The following SLC34A3 variants were observed in gnomAD, a reference collection of about 807,000 sequenced individuals.
SLC34A3 encodes solute carrier family 34 member 3, also known as sodium-dependent phosphate transport protein 2C.
SLC34A3 carries 60 observed loss-of-function variants against 43.9 expected under a neutral mutation model. That is an observed-to-expected ratio of 1.37 (90% confidence interval 1.11 to 1.70). SLC34A3 has a LOEUF of 1.70. Among genes scored for constraint, SLC34A3 ranks in the 40% most tolerant of loss-of-function variants. The pLI, the probability that SLC34A3 is intolerant of heterozygous loss-of-function variation, is 0.00. For synonymous variants in SLC34A3, 451 were observed against 386.2 expected (o/e 1.17, Z -1.97); for missense variants, 969 against 823.8 (o/e 1.18, Z -2.16).
chr9:137,232,769 C>G lies in SLC34A3; in HGVS notation c.305-15C>G. 1 of 1,613,042 alleles carries G rather than the reference C, an allele frequency of 6.2e-7. No homozygotes were observed. Among genetic ancestry groups the G allele is most frequent in the South Asian group, 1.1e-5 (1 of 91,090 alleles). ...AGCCCTCCGCAGCTTCAGCGCACCTCTCTTGCCGGTGTAGGCAAAGTGGCC... is the reference window on the plus strand; with the variant it reads ...AGCCCTCCGCAGCTTCAGCGCACCTGTCTTGCCGGTGTAGGCAAAGTGGCC... On this transcript the variant is annotated splice_polypyrimidine_tract_variant and intron_variant, in intron 4 of 12. Coordinates refer to ENST00000673835, the MANE Select transcript of SLC34A3 (RefSeq NM_001177316.2).
rs748235293 is a variant in SLC34A3, at chr9:137,235,907, C to A, written c.1336-45C>A. 2.5e-6 allele frequency: 4 copies of A among 1,592,136 alleles called. No individual in the cohort carries two copies. In the South Asian group the frequency reaches 4.4e-5, roughly 18 times the overall value. ...GCAGGGGTCCGGGGCCCCTGGTGAC[C>A]CCACCTCGTTGGGCCCAGGCCCCTG... On this transcript the variant is annotated intron_variant, in intron 12 of 12. Coordinates refer to ENST00000673835, the MANE Select transcript of SLC34A3 (RefSeq NM_001177316.2).
At chr9:137,230,322 G>C (rs530225934), upstream of SLC34A3, among the ~76,000 whole-genome samples, 3 of 152,190 alleles carry the variant, frequency 2.0e-5, no homozygotes, top group African/African-American at 7.2e-5. Context: ...TACCAGGGCC[G>C]AGCCCGCTAG....
rs761000953 is a variant in SLC34A3 at position 137,232,993 on chromosome 9, C to A, written c.449-11C>A. 3.7e-6 allele frequency: 6 copies of A among 1,610,728 alleles called. No homozygotes were observed. In the South Asian group the frequency reaches 5.5e-5, roughly 15 times the overall value. On this transcript the variant is annotated splice_polypyrimidine_tract_variant and intron_variant, in intron 5 of 12. Coordinates refer to ENST00000673835, the MANE Select transcript of SLC34A3 (RefSeq NM_001177316.2). ...GTGGGCCGCAGGCTGACTCAGCCCC[C>A]CCACCAGCAGTGCTGACTGTCCGGG...
At chr9:137,233,779 T>TTGGGGCCCCCCCCCC in intron 8 of SLC34A3, 57 bp downstream of exon 8, 23 of 1,445,628 alleles carry the variant, frequency 1.6e-5, no homozygotes, top group Non-Finnish European at 2.1e-5. Flanking sequence ...TGCTGAGTCA[T>TTGGGGCCCCCCCCCC]CCCGCCCCAC....
In SLC34A3 at chr9:137,233,930, A is replaced by C. The variant is rs751999373; in HGVS notation, c.914A>C (p.Asp305Ala). The change falls in exon 9 of 13, where the codon GAC (aspartate) becomes GCC (alanine). Residue 305 changes from aspartate (D) to alanine (A), a missense_variant. Physicochemically the swap from Asp to Ala is moderately radical, Grantham distance 126 (BLOSUM62 -2). Coordinates refer to ENST00000673835, the MANE Select transcript of SLC34A3 (RefSeq NM_001177316.2). ...GAGAAGAACAGCACAGCCCCGGCGG[A>C]CAGGCTGCCCTGTGAGGCCCGGCCC... ...CTEKNSTAPA[D>A]RLPCRHLFAG... The C allele has an allele frequency of 3.2e-6, 5 of 1,575,200 alleles. No homozygotes were observed. Among genetic ancestry groups the C allele is most frequent in the Non-Finnish European group, 4.3e-6 (5 of 1,161,272 alleles).
rs1321847313 is a variant in SLC34A3, at chr9:137,236,407, G to A, written c.1791G>A (p.Gln597=). Residue 597 remains glutamine (Q), a synonymous_variant, in exon 13 of 13, where the codon CAG becomes CAA. Transcript: ENST00000673835. ...AGAACCCTGAGATCTTGGCCTCCCA[G>A]CAGTTGTGACGGGCAGTTGCTGAGC... The part of the protein sequence containing the change: ...CYENPEILAS[Q]QL The A allele has an allele frequency of 6.5e-7, 1 of 1,537,060 alleles. No homozygotes were observed.
At chr9:137,233,170 G>GCCCCCCCACCTGACCCTGC in intron 6 of SLC34A3, 39 bp from the exon 7 acceptor site, 1 of 1,555,228 alleles carries the variant, frequency 6.4e-7, no homozygotes. Flanking sequence ...CCCAGCCCGG[G>GCCCCCCCACCTGACCCTGC]CCCCCCCACC....
chr9:137,231,724 A>T lies in SLC34A3; in HGVS notation c.22A>T (p.Ser8Cys). The T allele has an allele frequency of 6.2e-7, 1 of 1,612,956 alleles. No homozygotes were observed. The highest frequency in any genetic ancestry group is 8.5e-7 in the Non-Finnish European group (1 of 1,179,908). MPSSLPG[S>C]QVPHPTLDAV... ...ATCCATGCCGAGTTCCCTTCCCGGCAGCCAGGTCCCCCACCCCACTCTGGA... is the reference window on the plus strand; with the variant it reads ...ATCCATGCCGAGTTCCCTTCCCGGCTGCCAGGTCCCCCACCCCACTCTGGA... Residue 8 changes from serine to cysteine, a missense_variant, in exon 2 of 13, where the codon AGC becomes TGC. Transcript: ENST00000673835.
intron 1 of SLC34A3, 198 bp downstream of exon 1, chr9:137,231,136 G>A (rs749091928): frequency 1.2e-5 from 2 of 162,446 alleles, no homozygotes; most frequent in Admixed American, 5.9e-5. Flanking sequence ...GGGTCCAGGT[G>A]GGGGGCCCCA....
At position 137,232,768 on chromosome 9, in the gene SLC34A3, T is replaced by A. The variant is rs1162677174; in HGVS notation, c.305-16T>A. 1 of 1,612,998 alleles carries A rather than the reference T, an allele frequency of 6.2e-7. No homozygotes were observed. On this transcript the variant is annotated splice_polypyrimidine_tract_variant and intron_variant, in intron 4 of 12. Transcript: ENST00000673835. ...CAGCCCTCCGCAGCTTCAGCGCACC[T>A]CTCTTGCCGGTGTAGGCAAAGTGGC...
rs1202281600 is a variant in SLC34A3, at chr9:137,236,244, C to G, written c.1628C>G (p.Pro543Arg). The G allele has an allele frequency of 1.3e-6, 2 of 1,550,422 alleles. No homozygotes were observed. The highest frequency in any genetic ancestry group is 3.9e-5 in the Admixed American group (2 of 51,730). The change falls in exon 13 of 13, where the codon CCT becomes CGT. Residue 543 changes from proline to arginine, a missense_variant. Physicochemically the swap from Pro to Arg is moderately radical, Grantham distance 103 (BLOSUM62 -2). Transcript: ENST00000673835. Reference sequence around the variant, plus strand: ...CAGCGGCGCCGGCCGGCCTGGCTGCCTGTCCGCCTGCGCTCCTGGGCCTGG... The same window carrying G: ...CAGCGGCGCCGGCCGGCCTGGCTGCGTGTCCGCCTGCGCTCCTGGGCCTGG... ...VLQRRRPAWL[P>R]VRLRSWAWLP... is the part of the protein sequence containing the mutation.
In SLC34A3 at chr9:137,234,106, C is replaced by T. The variant is rs1339056973; in HGVS notation, c.926-3C>T. ...CCCTCACCTGCCCCTGCCCTGCCCC[C>T]AGGCCGCCACCTGTTTGCGGGCACG... is the stretch of plus-strand genomic sequence containing the variant. On this transcript the variant is annotated splice_polypyrimidine_tract_variant and splice_region_variant and intron_variant, in intron 9 of 12. Coordinates refer to ENST00000673835, the MANE Select transcript of SLC34A3 (RefSeq NM_001177316.2). The surrounding 1 kb of genome is among the most constrained non-coding windows in gnomAD (Gnocchi z 6.9). 12 of 1,567,334 alleles carry T rather than the reference C, an allele frequency of 7.7e-6. No homozygotes were observed. The highest frequency in any genetic ancestry group is 1.0e-5 in the Non-Finnish European group (12 of 1,164,054).
At position 137,234,295 on chromosome 9, in the gene SLC34A3, G is replaced by A. The variant is rs201165474; in HGVS notation, c.1093+19G>A. On this transcript the variant is annotated intron_variant, in intron 10 of 12. Transcript: ENST00000673835. This position sits in a 1 kb window ranked among gnomAD's most constrained non-coding sequence, Gnocchi z 6.9. ...AATGCGGGTGAGGGCGTGGGAGGAGGTGCGGTGGCCAGGGCTGACCCAGCA... is the reference window on the plus strand; with the variant it reads ...AATGCGGGTGAGGGCGTGGGAGGAGATGCGGTGGCCAGGGCTGACCCAGCA... 4.1e-4 allele frequency: 658 copies of A among 1,609,094 alleles called. 4 individuals carry two copies. In the African/African-American group the frequency reaches 7.3e-3, roughly 18 times the overall value.
Position 137,234,562 on chromosome 9 carries a change from C to G in SLC34A3, c.1210+30C>G. ...GCAGGCAGGACAGAGGCCTCGGGAACGGGGGCTCGGGCTGGGGTCCTGTGG... is the reference window on the plus strand; with the variant it reads ...GCAGGCAGGACAGAGGCCTCGGGAAGGGGGGCTCGGGCTGGGGTCCTGTGG... On this transcript the variant is annotated intron_variant, in intron 11 of 12. Transcript: ENST00000673835. This position sits in a 1 kb window ranked among gnomAD's most constrained non-coding sequence, Gnocchi z 6.9. The G allele has an allele frequency of 6.2e-7, 1 of 1,609,730 alleles. No individual in the cohort carries two copies. The highest frequency in any genetic ancestry group is 8.5e-7 in the Non-Finnish European group (1 of 1,178,302).
chr9:137,232,796 G>T lies in SLC34A3; in HGVS notation c.317G>T (p.Gly106Val). 1 of 1,613,072 alleles carries T rather than the reference G, an allele frequency of 6.2e-7. No individual in the cohort carries two copies. Among genetic ancestry groups the T allele is most frequent in the South Asian group, 1.1e-5 (1 of 91,084 alleles). ...CTTGCCGGTGTAGGCAAAGTGGCCG[G>T]AGACATCTTCAAGGACAACGTGGTG... is the stretch of plus-strand genomic sequence containing the variant. ...AFQLLGSKVA[G>V]DIFKDNVVLS... is the part of the protein sequence containing the mutation. The change falls in exon 5 of 13, where the codon GGA (glycine) becomes GTA (valine). Residue 106 changes from glycine (G) to valine (V), a missense_variant. Coordinates refer to ENST00000673835, the MANE Select transcript of SLC34A3 (RefSeq NM_001177316.2).
In SLC34A3 at chr9:137,232,867, G is replaced by T. The variant is rs769955447; in HGVS notation, c.388G>T (p.Ala130Ser). The change falls in exon 5 of 13, where the codon GCC becomes TCC. Residue 130 changes from alanine to serine, a missense_variant. By Grantham distance (99) the Ala-to-Ser change is moderately conservative. Coordinates refer to ENST00000673835, the MANE Select transcript of SLC34A3 (RefSeq NM_001177316.2). ...ACTGGTCATTGGCGTGCTGGTCACAGCCCTGGTGCAGAGTTCCAGCACGTC... is the reference window on the plus strand; with the variant it reads ...ACTGGTCATTGGCGTGCTGGTCACATCCCTGGTGCAGAGTTCCAGCACGTC... The part of the protein sequence containing the change: ...AGLVIGVLVT[A>S]LVQSSSTSSS... The T allele has an allele frequency of 7.4e-6, 12 of 1,612,314 alleles. No individual in the cohort carries two copies. Among genetic ancestry groups the T allele is most frequent in the Non-Finnish European group, 7.6e-6 (9 of 1,179,646 alleles).
At chr9:137,230,391 G>A (rs928440652), upstream of SLC34A3, among the ~76,000 whole-genome samples, 7 of 152,200 alleles carry the variant, frequency 4.6e-5, no homozygotes, top group Non-Finnish European at 7.4e-5. Flanking sequence ...ACCTCGGGCT[G>A]GGTGCCCTCC....
Position 137,234,093 on chromosome 9 carries a change from C to A in SLC34A3, c.926-16C>A. The A allele has an allele frequency of 6.5e-7, 1 of 1,547,760 alleles. No individual in the cohort carries two copies. The highest frequency in any genetic ancestry group is 2.4e-5 in the East Asian group (1 of 42,246). ...CCCCCCAGGCTCCCCCTCACCTGCC[C>A]CTGCCCTGCCCCCAGGCCGCCACCT... On this transcript the variant is annotated splice_polypyrimidine_tract_variant and intron_variant, in intron 9 of 12. Transcript: ENST00000673835. The surrounding 1 kb of genome is among the most constrained non-coding windows in gnomAD (Gnocchi z 6.9).
rs1194730858 is a variant in SLC34A3 at position 137,233,373 on chromosome 9, T to G, written c.725T>G (p.Leu242Arg). ...CAGGCGCCCGACATCCTCAAGGTGC[T>G]GACGAAGCCGCTCACACACCTCATC... is the stretch of plus-strand genomic sequence containing the variant. Reference protein sequence around the residue: ...RAQAPDILKVLTKPLTHLIVQ... With the variant: ...RAQAPDILKVRTKPLTHLIVQ... The change falls in exon 7 of 13, where the codon CTG (leucine) becomes CGG (arginine). Residue 242 changes from leucine to arginine, a missense_variant. Transcript: ENST00000673835. The G allele has an allele frequency of 6.2e-7, 1 of 1,605,940 alleles. No homozygotes were observed. The highest frequency in any genetic ancestry group is 1.7e-5 in the Admixed American group (1 of 59,370).
Sources: allele counts gnomAD v4.1 joint callset (sites outside exome capture counted in the v4.1 genomes callset), GRCh38; gene constraint gnomAD v4.1.1; non-coding constraint Gnocchi (gnomAD v3.1); transcripts MANE v1.5; gene names NCBI Gene and HGNC (gene_info 2026-07-23, HGNC 2026-07-21).